Variants in ITPRID1 observed in about 807,000 individuals in gnomAD.
ITPRID1 encodes protein ITPRID1.
Under a neutral mutation model 95.4 loss-of-function variants are expected in ITPRID1, and 96 were observed. That is an observed-to-expected ratio of 1.01 (90% CI 0.85 to 1.19). ITPRID1 has a LOEUF of 1.19. ITPRID1 is among the 50% of genes most tolerant of loss of function. ITPRID1 has a pLI of 0.00. For synonymous variants in ITPRID1, 510 were observed against 453.6 expected (o/e 1.12, Z -1.58); for missense variants, 1,339 against 1,252.9 (o/e 1.07, Z -1.04).
intron 10 of ITPRID1, among the ~76,000 whole-genome samples, chr7:31,590,170 G>A (rs1213195185): frequency 6.6e-6 from 1 of 152,090 alleles, no homozygotes; most frequent in Non-Finnish European, 1.5e-5. Flanking sequence ...CTAGTGTCAA[G>A]AGATCCTCCT....
intron 1 of ITPRID1, among the ~76,000 whole-genome samples, chr7:31,541,262 C>T (rs1451280134): frequency 1.3e-5 from 2 of 152,156 alleles, no homozygotes; most frequent in East Asian, 1.9e-4. Flanking sequence ...TCAGTTTATG[C>T]AGTTGATTCC....
chr7:31,613,748 C>G (rs991030216), intron 10 of ITPRID1, among the ~76,000 whole-genome samples: 7 of 152,170 alleles, frequency 4.6e-5, no homozygotes, highest in Non-Finnish European at 1.0e-4. Context: ...TAACCAACAG[C>G]ACTCTGGGCC....
chr7:31,569,696 G>C, intron 5 of ITPRID1, 62 bp from the exon 6 acceptor site: 1 of 1,452,760 alleles, frequency 6.9e-7, no homozygotes, highest in East Asian at 2.5e-5. Context: ...ATTTGGGGTT[G>C]AGAAAATCTT....
chr7:31,641,234 G>A (rs1233759586), intron 10 of ITPRID1, among the ~76,000 whole-genome samples: 1 of 152,176 alleles, frequency 6.6e-6, no homozygotes, highest in Non-Finnish European at 1.5e-5. Flanking sequence ...AGTTGTTCAA[G>A]CAAAGGCAAA....
intron 10 of ITPRID1, among the ~76,000 whole-genome samples, chr7:31,599,962 T>G (rs922374181): frequency 6.6e-6 from 1 of 152,168 alleles, no homozygotes; most frequent in Non-Finnish European, 1.5e-5. Context: ...CCTCCCAAAG[T>G]GCTGGGATTA....
Position 31,595,291 on chromosome 7 carries a change from C to T in ITPRID1, c.1228+12100C>T, listed in dbSNP as rs562511508. 1.2e-3 allele frequency among the ~76,000 whole-genome samples: 183 copies of T among 151,136 alleles called. 1 individual carries two copies. The highest frequency in any genetic ancestry group is 9.4e-3 in the Admixed American group (142 of 15,172). On this transcript the variant is annotated intron_variant, in intron 10 of 14. Coordinates refer to ENST00000615280, the MANE Select transcript of ITPRID1 (RefSeq NM_001257967.3). ...AACTCCTGACCTCAGGTGATCCACC[C>T]GCCTTGGTCCCCCAAAGTACTGGGA...
intron 1 of ITPRID1, among the ~76,000 whole-genome samples, chr7:31,537,355 G>A (rs1222353243): frequency 1.3e-5 from 2 of 152,014 alleles, no homozygotes; most frequent in African/African-American, 4.8e-5. Flanking sequence ...TCTTACCCAT[G>A]GAGTTTTTCT....
chr7:31,629,285 A>G (rs569406607), intron 10 of ITPRID1, among the ~76,000 whole-genome samples: 3 of 19,050 alleles, frequency 1.6e-4, no homozygotes, highest in South Asian at 2.5e-3. Context: ...AAACAACACA[A>G]TCTTTATATA....
intron 1 of ITPRID1, among the ~76,000 whole-genome samples, chr7:31,533,512 GAATTT>G (rs1184411072): frequency 6.6e-6 from 1 of 152,006 alleles, no homozygotes; most frequent in African/African-American, 2.4e-5. Flanking sequence ...CACTTACTTT[GAATTT>G]AATTTTTCTT....
chr7:31,652,213 C>T (rs1039605023), intron 14 of ITPRID1, among the ~76,000 whole-genome samples, 163 bp downstream of exon 14: 2 of 152,204 alleles, frequency 1.3e-5, no homozygotes, highest in Non-Finnish European at 2.9e-5. Flanking sequence ...CAAGGGTACA[C>T]AGCCAGCTGA....
At position 31,643,477 on chromosome 7, in the gene ITPRID1, G is replaced by A; in HGVS notation, c.2107G>A (p.Gly703Ser). Residue 703 changes from glycine (G) to serine (S), a missense_variant, in exon 12 of 15, where the codon GGC (glycine) becomes AGC (serine). By Grantham distance (56) the Gly-to-Ser change is moderately conservative. Transcript: ENST00000615280. ...AEMENLPLNTGSSRSVMTQMS... is the reference protein window; with the variant it reads ...AEMENLPLNTSSSRSVMTQMS... ...GATGGAAAACCTTCCTCTAAATACT[G>A]GCAGCTCCAGGTCTGTAATGACCCA... 6.2e-7 allele frequency: 1 copy of A among 1,613,950 alleles called. No individual in the cohort carries two copies. Among genetic ancestry groups the A allele is most frequent in the Admixed American group, 1.7e-5 (1 of 60,012 alleles).
chr7:31,580,392 G>A (rs1016430344), intron 9 of ITPRID1, among the ~76,000 whole-genome samples: 7 of 151,614 alleles, frequency 4.6e-5, no homozygotes, highest in East Asian at 3.9e-4. Flanking sequence ...GTCAAGCCTC[G>A]TCAGACTCTA....
At chr7:31,617,190 AGATCCTATT>A in intron 10 of ITPRID1, among the ~76,000 whole-genome samples, 1 of 152,330 alleles carries the variant, frequency 6.6e-6, no homozygotes, top group South Asian at 2.1e-4. Context: ...GGAGAAGGGA[AGATCCTATT>A]ATTTCTTCTA....
chr7:31,608,853 ATT>A (rs1281013739), intron 10 of ITPRID1, among the ~76,000 whole-genome samples: 1 of 151,048 alleles, frequency 6.6e-6, no homozygotes, highest in Non-Finnish European at 1.5e-5. Flanking sequence ...TTTTTGCCTT[ATT>A]ATCCTGGAAA....
At chr7:31,558,913 G>A (rs1317618939) in intron 5 of ITPRID1, among the ~76,000 whole-genome samples, 1 of 152,094 alleles carries the variant, frequency 6.6e-6, no homozygotes, top group African/African-American at 2.4e-5. Context: ...AAAATATAGA[G>A]GCACATAGAG....
rs373768808 is a variant in ITPRID1 at position 31,646,555 on chromosome 7, G to T, written c.2583+2602G>T. 2.0e-5 allele frequency among the ~76,000 whole-genome samples: 3 copies of T among 152,262 alleles called. No individual in the cohort carries two copies. The East Asian group carries it at 5.8e-4, about 29-fold the overall frequency. Reference sequence around the variant, plus strand: ...AAGATTAAACCTGGGCCAGCTCCAGGGTGACCAAGTGTGGACCCGAGCTCT... The same window carrying T: ...AAGATTAAACCTGGGCCAGCTCCAGTGTGACCAAGTGTGGACCCGAGCTCT... On this transcript the variant is annotated intron_variant, in intron 12 of 14. Coordinates refer to ENST00000615280, the MANE Select transcript of ITPRID1 (RefSeq NM_001257967.3).
chr7:31,651,329 A>C, intron 13 of ITPRID1, 60 bp downstream of exon 13: 4 of 1,583,444 alleles, frequency 2.5e-6, no homozygotes, highest in South Asian at 1.2e-5. Flanking sequence ...AGCAAGGAAG[A>C]TAATCAGGGC....
At chr7:31,574,310 A>T (rs1051645723) in intron 7 of ITPRID1, among the ~76,000 whole-genome samples, 1 of 152,082 alleles carries the variant, frequency 6.6e-6, no homozygotes, top group Non-Finnish European at 1.5e-5. Context: ...ATGGGAAGCC[A>T]GTTAAGTAAA....
intron 1 of ITPRID1, among the ~76,000 whole-genome samples, chr7:31,525,787 T>C (rs1374052236): frequency 6.6e-6 from 1 of 152,202 alleles, no homozygotes; most frequent in Non-Finnish European, 1.5e-5. Flanking sequence ...CTCAATCTCA[T>C]GCTATGCATT....
Sources: gnomAD v4.1 joint callset for allele counts (sites outside exome capture counted in the v4.1 genomes callset) on GRCh38, gnomAD v4.1.1 for gene constraint, MANE v1.5 for transcripts, NCBI Gene and HGNC (gene_info 2026-07-23, HGNC 2026-07-21) for gene names.